BCAS3: variants seen among roughly 807,000 people sequenced by gnomAD.
BCAS3 encodes BCAS3 microtubule associated cell migration factor.
BCAS3 carries 53 observed loss-of-function variants against 116.1 expected under a neutral mutation model. The observed-to-expected ratio is 0.46, with a 90% confidence interval of 0.37 to 0.57. The LOEUF is 0.57. BCAS3 is among the 20% of genes least tolerant of loss of function. BCAS3 has a pLI of 0.00. For missense variants in BCAS3, 917 were observed against 1,165.4 expected (o/e 0.79, Z 3.10); for synonymous variants, 391 against 408.2 (o/e 0.96, Z 0.51).
At chr17:60,679,348 T>C in intron 1 of BCAS3, 105 bp from the exon 2 acceptor site, 1 of 754,610 alleles carries the variant, frequency 1.3e-6, no homozygotes, top group Non-Finnish European at 2.1e-6. Context: ...ATTTGAGGCA[T>C]TTTTGACAAG....
intron 7 of BCAS3, among the ~76,000 whole-genome samples, chr17:60,854,871 A>G (rs2053515371): frequency 6.6e-6 from 1 of 151,962 alleles, no homozygotes; most frequent in Non-Finnish European, 1.5e-5. Context: ...GCCCTTCAGT[A>G]GATGAATGGA....
Position 61,084,495 on chromosome 17 carries a change from A to T in BCAS3, c.2356A>T (p.Ser786Cys). 3.7e-6 allele frequency: 6 copies of T among 1,614,156 alleles called. No homozygotes were observed. Among genetic ancestry groups the T allele is most frequent in the Non-Finnish European group, 5.1e-6 (6 of 1,180,006 alleles). ...RIQPVRSDPV[S>C]MPGSSRPVSD... is the part of the protein sequence containing the mutation. ...CCAGCCAGTCCGCTCTGACCCCGTC[A>T]GCATGCCAGGGTCATCCCGTCCAGT... is the stretch of plus-strand genomic sequence containing the variant. The change falls in exon 22 of 24, where the codon AGC becomes TGC. Residue 786 changes from serine to cysteine, a missense_variant. Ser to Cys is a moderately radical substitution (Grantham distance 112). Coordinates refer to ENST00000407086, the MANE Select transcript of BCAS3 (RefSeq NM_017679.5). The surrounding 1 kb of genome is among the most constrained non-coding windows in gnomAD (Gnocchi z 5.5).
In BCAS3 at chr17:61,104,278, G is replaced by A. The variant is rs371673902; in HGVS notation, c.2425+19714G>A. 2.2e-4 allele frequency among the ~76,000 whole-genome samples: 33 copies of A among 152,192 alleles called. No homozygotes were observed. Among genetic ancestry groups the A allele is most frequent in the African/African-American group, 6.0e-4 (25 of 41,518 alleles). On this transcript the variant is annotated intron_variant, in intron 22 of 23. Coordinates refer to ENST00000407086, the MANE Select transcript of BCAS3 (RefSeq NM_017679.5). The surrounding 1 kb of genome is among the most constrained non-coding windows in gnomAD (Gnocchi z 4.1). ...GTTTTATTCCAGTCTTTTAGGAGGC[G>A]AGACCTTGACCAAGGAGTAGCTAAG...
chr17:60,988,678 G>A (rs530249435), intron 14 of BCAS3, among the ~76,000 whole-genome samples: 1 of 152,014 alleles, frequency 6.6e-6, no homozygotes, highest in East Asian at 1.9e-4. Context: ...CAACATATTG[G>A]CATATAATTG....
chr17:60,807,899 A>G (rs1437113466), intron 6 of BCAS3, 105 bp from the exon 7 acceptor site: 2 of 756,982 alleles, frequency 2.6e-6, no homozygotes, highest in Non-Finnish European at 4.3e-6. Context: ...ATGTCAACTT[A>G]TAATGAATAC....
chr17:60,906,080 C>T (rs1480064076), intron 11 of BCAS3, among the ~76,000 whole-genome samples: 1 of 152,204 alleles, frequency 6.6e-6, no homozygotes. Flanking sequence ...TGCAAGCTTC[C>T]AGCTTGCTTA....
rs1444289148 is a variant in BCAS3, at chr17:61,181,853, C to T, written c.2425+97289C>T. On this transcript the variant is annotated intron_variant, in intron 22 of 23. Coordinates refer to ENST00000407086, the MANE Select transcript of BCAS3 (RefSeq NM_017679.5). This position sits in a 1 kb window ranked among gnomAD's most constrained non-coding sequence, Gnocchi z 5.0. ...TTGCTTAATATTTTATTTCTAATACCAAAAGTCTTGCTTTTTCCTTCTTTT... is the reference window on the plus strand; with the variant it reads ...TTGCTTAATATTTTATTTCTAATACTAAAAGTCTTGCTTTTTCCTTCTTTT... Among the ~76,000 whole-genome samples the T allele has an allele frequency of 6.9e-6, 1 of 145,698 alleles. No individual in the cohort carries two copies. The highest frequency in any genetic ancestry group is 7.2e-5 in the Admixed American group (1 of 13,900).
intron 15 of BCAS3, among the ~76,000 whole-genome samples, chr17:60,996,138 C>T (rs1297248305): frequency 6.6e-6 from 1 of 152,078 alleles, no homozygotes; most frequent in African/African-American, 2.4e-5. Flanking sequence ...TAGCCTTTCA[C>T]TCAGCATGAG....
chr17:61,311,553 T>A (rs1331582132), intron 22 of BCAS3, among the ~76,000 whole-genome samples: 1 of 152,218 alleles, frequency 6.6e-6, no homozygotes, highest in Non-Finnish European at 1.5e-5. Flanking sequence ...ATTTCTAGGC[T>A]GCTTGAAGAA....
intron 22 of BCAS3, among the ~76,000 whole-genome samples, chr17:61,212,907 A>G (rs2081550463): frequency 6.6e-6 from 1 of 152,152 alleles, no homozygotes; most frequent in Non-Finnish European, 1.5e-5. Context: ...CTGTATCTAT[A>G]TGAGTCCCAA....
chr17:61,046,724 G>T (rs138981167), intron 19 of BCAS3, among the ~76,000 whole-genome samples: 107 of 151,934 alleles, frequency 7.0e-4, no homozygotes, highest in African/African-American at 2.3e-3. Flanking sequence ...GGATATGGAA[G>T]GCTGACTGTA....
intron 5 of BCAS3, among the ~76,000 whole-genome samples, chr17:60,716,580 G>C (rs1445638363): frequency 2.0e-5 from 3 of 152,040 alleles, no homozygotes; most frequent in Admixed American, 6.6e-5. Flanking sequence ...GAGCAGCTTG[G>C]GTGAGACCCC....
intron 19 of BCAS3, among the ~76,000 whole-genome samples, chr17:61,049,590 A>G (rs2068648963): frequency 6.6e-6 from 1 of 151,878 alleles, no homozygotes; most frequent in South Asian, 2.1e-4. Flanking sequence ...TAAGAAAGGC[A>G]TACCAAAGTG....
intron 22 of BCAS3, among the ~76,000 whole-genome samples, chr17:61,137,311 C>G (rs2076695845): frequency 6.6e-6 from 1 of 152,162 alleles, no homozygotes; most frequent in Admixed American, 6.5e-5. Flanking sequence ...AGTTTCAAAG[C>G]CTGTACTCAT....
At chr17:60,884,754 T>A (rs1390532118) in intron 9 of BCAS3, among the ~76,000 whole-genome samples, 2 of 146,254 alleles carry the variant, frequency 1.4e-5, no homozygotes, top group Non-Finnish European at 3.0e-5. Context: ...TTGAGTGGCT[T>A]TGAGTGAGAT....
chr17:60,767,003 G>C (rs530813430), intron 6 of BCAS3, among the ~76,000 whole-genome samples: 10 of 152,348 alleles, frequency 6.6e-5, no homozygotes, highest in African/African-American at 2.4e-4. Context: ...GACCCGCAGA[G>C]CCAGGCACGG....
At chr17:61,024,940 C>T (rs148834139) in intron 16 of BCAS3, among the ~76,000 whole-genome samples, 55 of 152,140 alleles carry the variant, frequency 3.6e-4, no homozygotes, top group African/African-American at 1.3e-3. Context: ...TGAGTAGGTA[C>T]AATATAACGA....
At chr17:60,682,454 T>TA (rs2033310650) in intron 2 of BCAS3, among the ~76,000 whole-genome samples, 1 of 152,236 alleles carries the variant, frequency 6.6e-6, no homozygotes, top group African/African-American at 2.4e-5. Flanking sequence ...GGATTTATGA[T>TA]AAATCATATT....
chr17:60,728,312 C>T (rs1238211794), intron 5 of BCAS3, among the ~76,000 whole-genome samples: 1 of 152,092 alleles, frequency 6.6e-6, no homozygotes, highest in Non-Finnish European at 1.5e-5. Flanking sequence ...TAGTTGGAAT[C>T]ACTACATGGT....
Sources: gnomAD v4.1 joint callset for allele counts (sites outside exome capture counted in the v4.1 genomes callset) on GRCh38, gnomAD v4.1.1 for gene constraint, Gnocchi (gnomAD v3.1) non-coding constraint, MANE v1.5 for transcripts, NCBI Gene and HGNC (gene_info 2026-07-23, HGNC 2026-07-21) for gene names.